Variants in L3MBTL3 observed in about 807,000 individuals in gnomAD.
L3MBTL3 encodes the protein lethal(3)malignant brain tumor-like protein 3.
In L3MBTL3, 27 loss-of-function variants were observed where a neutral mutation model predicts 102.3. The observed-to-expected ratio is 0.26, with a 90% CI of 0.19 to 0.36. The LOEUF (loss-of-function observed/expected upper bound fraction) is 0.36, where lower values mean the gene tolerates loss of function less well. Ranked by LOEUF, L3MBTL3 falls within the 10% of genes least tolerant of loss-of-function variation. The pLI is 1.00. For missense variants in L3MBTL3, 798 were observed against 955.3 expected (o/e 0.84, Z 2.17); for synonymous variants, 340 against 320.9 (o/e 1.06, Z -0.64).
intron 10 of L3MBTL3, among the ~76,000 whole-genome samples, chr6:130,062,285 T>G (rs1449698825): frequency 1.3e-5 from 2 of 152,148 alleles, no homozygotes; most frequent in Admixed American, 1.3e-4. Flanking sequence ...GCATGACCCT[T>G]AACAGTTGAC....
intron 2 of L3MBTL3, among the ~76,000 whole-genome samples, chr6:130,036,676 A>G (rs1054143216): frequency 1.2e-4 from 19 of 152,176 alleles, no homozygotes; most frequent in Middle Eastern, 3.2e-3. Context: ...AAGACTAAAA[A>G]TCTATTTGTG....
intron 11 of L3MBTL3, 100 bp downstream of exon 11, chr6:130,066,588 G>A: frequency 9.6e-7 from 1 of 1,036,914 alleles, no homozygotes; most frequent in Non-Finnish European, 1.4e-6. Context: ...TGAAAATTCA[G>A]ATAGGCACAA....
chr6:130,053,684 A>G (rs375954315), intron 7 of L3MBTL3, among the ~76,000 whole-genome samples: 11 of 152,250 alleles, frequency 7.2e-5, no homozygotes, highest in East Asian at 5.8e-4. Flanking sequence ...AATGGCACAC[A>G]AATATCAGGT....
chr6:130,139,526 A>C, intron 22 of L3MBTL3, 84 bp from the exon 23 acceptor site: 1 of 1,270,424 alleles, frequency 7.9e-7, no homozygotes, highest in Non-Finnish European at 1.1e-6. Flanking sequence ...TATGTAGAAG[A>C]CAGCTGGTAA....
At chr6:130,056,692 C>T (rs1358281145) in intron 8 of L3MBTL3, among the ~76,000 whole-genome samples, 1 of 152,150 alleles carries the variant, frequency 6.6e-6, no homozygotes, top group Non-Finnish European at 1.5e-5. Flanking sequence ...CCCTGCCCTT[C>T]TTTTTCACCT....
chr6:130,059,311 A>T (rs1781740634), intron 9 of L3MBTL3, among the ~76,000 whole-genome samples: 1 of 152,208 alleles, frequency 6.6e-6, no homozygotes, highest in Non-Finnish European at 1.5e-5. Flanking sequence ...TTATGGTAAC[A>T]TATGTTGTGT....
intron 10 of L3MBTL3, among the ~76,000 whole-genome samples, chr6:130,062,568 T>C (rs1278263860): frequency 2.0e-5 from 3 of 150,274 alleles, no homozygotes; most frequent in Admixed American, 6.6e-5. Context: ...TTTTTTTTTT[T>C]TTTTTTTTTA....
intron 12 of L3MBTL3, among the ~76,000 whole-genome samples, chr6:130,069,784 C>T (rs1002599511): frequency 6.6e-6 from 1 of 152,226 alleles, no homozygotes; most frequent in Non-Finnish European, 1.5e-5. Context: ...CAGCATACAA[C>T]TTAATCTTGG....
chr6:130,078,954 A>G (rs755451759), intron 14 of L3MBTL3, among the ~76,000 whole-genome samples: 35 of 150,446 alleles, frequency 2.3e-4, no homozygotes, highest in Non-Finnish European at 3.9e-4. Flanking sequence ...TCTCTCTTGG[A>G]AAAAAAAAAG....
intron 2 of L3MBTL3, among the ~76,000 whole-genome samples, chr6:130,037,638 ATTACTT>A (rs1780142776): frequency 6.6e-6 from 1 of 152,142 alleles, no homozygotes; most frequent in African/African-American, 2.4e-5. Context: ...TTTAAAAAGA[ATTACTT>A]TTAATTGATG....
In L3MBTL3 at chr6:130,062,855, G is replaced by A. The variant is rs192709917; in HGVS notation, c.864+2715G>A. On this transcript the variant is annotated intron_variant, in intron 10 of 22. Transcript: ENST00000361794. Reference sequence around the variant, plus strand: ...CCTCTTACCTCTGTAAGTAGGTCTAGGATCTATCTCTAGAATTGCAAGGTG... The same window carrying A: ...CCTCTTACCTCTGTAAGTAGGTCTAAGATCTATCTCTAGAATTGCAAGGTG... Among the ~76,000 whole-genome samples the A allele has an allele frequency of 8.9e-4, 134 of 150,264 alleles. 1 individual carries two copies. The highest frequency in any genetic ancestry group is 3.1e-3 in the African/African-American group (128 of 41,116).
intron 20 of L3MBTL3, among the ~76,000 whole-genome samples, chr6:130,123,987 TAGTG>T (rs1786421882): frequency 6.6e-6 from 1 of 152,014 alleles, no homozygotes; most frequent in Admixed American, 6.6e-5. Context: ...AAAGGTTTGT[TAGTG>T]AGTATTCTTG....
intron 20 of L3MBTL3, among the ~76,000 whole-genome samples, chr6:130,127,298 G>A (rs1221508690): frequency 2.0e-5 from 3 of 152,138 alleles, no homozygotes; most frequent in African/African-American, 2.4e-5. Context: ...CTCTCTGCAC[G>A]TGGGAAAGAA....
At chr6:130,113,379 T>C (rs1371530672) in intron 19 of L3MBTL3, among the ~76,000 whole-genome samples, 1 of 152,344 alleles carries the variant, frequency 6.6e-6, no homozygotes, top group East Asian at 1.9e-4. Flanking sequence ...CAATGTGTTA[T>C]TAGTTGGGAA....
intron 16 of L3MBTL3, among the ~76,000 whole-genome samples, chr6:130,090,744 C>T (rs1253304267): frequency 6.6e-6 from 1 of 151,742 alleles, no homozygotes; most frequent in Non-Finnish European, 1.5e-5. Flanking sequence ...CTACACTTAG[C>T]TTTTATTTTT....
At chr6:130,038,085 G>C (rs1420084982) in intron 2 of L3MBTL3, among the ~76,000 whole-genome samples, 1 of 152,012 alleles carries the variant, frequency 6.6e-6, no homozygotes, top group East Asian at 1.9e-4. Flanking sequence ...GCTTATCCAT[G>C]CTGTCACAAA....
At chr6:130,080,840 A>G (rs577608824) in intron 14 of L3MBTL3, among the ~76,000 whole-genome samples, 38 of 152,306 alleles carry the variant, frequency 2.5e-4, no homozygotes, top group African/African-American at 8.4e-4. Context: ...AAAACTGCCA[A>G]ATTGTGAGAC....
chr6:130,092,214 AAC>A (rs989771936), intron 16 of L3MBTL3, among the ~76,000 whole-genome samples: 2 of 152,144 alleles, frequency 1.3e-5, no homozygotes, highest in African/African-American at 2.4e-5. Context: ...GATATCTAAA[AAC>A]ACACTGGGTG....
At chr6:130,021,780 A>G (rs1779034824) in intron 1 of L3MBTL3, among the ~76,000 whole-genome samples, 1 of 152,154 alleles carries the variant, frequency 6.6e-6, no homozygotes, top group Admixed American at 6.5e-5. Flanking sequence ...TAAGACTGTA[A>G]TTTTGTTTCA....
Sources: allele counts gnomAD v4.1 joint callset (sites outside exome capture counted in the v4.1 genomes callset), GRCh38; gene constraint gnomAD v4.1.1; transcripts MANE v1.5; gene names NCBI Gene and HGNC (gene_info 2026-07-23, HGNC 2026-07-21).